Variants in CCDC138 observed in about 807,000 individuals in gnomAD.
CCDC138 encodes the protein coiled-coil domain containing 138.
A neutral mutation model predicts 82.3 loss-of-function variants in CCDC138; 66 were observed. The observed-to-expected ratio is 0.80, with a 90% confidence interval of 0.66 to 0.98. CCDC138 has a LOEUF of 0.98. Among genes scored for constraint, CCDC138 ranks in the 50% least tolerant of loss-of-function variants. The pLI, the probability that CCDC138 is intolerant of heterozygous loss-of-function variation, is 0.00. For missense variants in CCDC138, 816 were observed against 758.9 expected (o/e 1.08, Z -0.88); for synonymous variants, 297 against 265.4 (o/e 1.12, Z -1.16).
intron 13 of CCDC138, among the ~76,000 whole-genome samples, chr2:108,869,767 T>G (rs1353656175): frequency 6.6e-6 from 1 of 152,002 alleles, no homozygotes; most frequent in Admixed American, 6.6e-5. Flanking sequence ...TTAAGCACAC[T>G]CCCTACACCG....
At position 108,786,808 on chromosome 2, in the gene CCDC138, C is replaced by T. The variant is rs780012510; in HGVS notation, c.-15C>T. ...AACGCGGTTCCCGGGGAGACTGGTA[C>T]GGTTGCTGTGTGCTATGGAGCCGAG... is the stretch of plus-strand genomic sequence containing the variant. On this transcript the variant is annotated 5_prime_UTR_variant, in exon 1 of 15. It adds an upstream start codon to the 5' untranslated region. Transcript: ENST00000295124. The T allele has an allele frequency of 7.6e-6, 12 of 1,577,694 alleles. No homozygotes were observed. In the East Asian group the frequency reaches 1.4e-4, roughly 18 times the overall value.
At chr2:108,808,594 A>G (rs1229575802) in intron 7 of CCDC138, among the ~76,000 whole-genome samples, 1 of 152,210 alleles carries the variant, frequency 6.6e-6, no homozygotes, top group Non-Finnish European at 1.5e-5. Flanking sequence ...TTCGATTTGC[A>G]TTAACCTGAT....
downstream of CCDC138, among the ~76,000 whole-genome samples, chr2:108,877,816 T>C (rs533207740): frequency 2.0e-5 from 3 of 152,242 alleles, no homozygotes; most frequent in African/African-American, 7.2e-5. Flanking sequence ...GAGAAAAGGG[T>C]TCTATAATTA....
rs1689728761 is a variant in CCDC138, at chr2:108,842,770, T to C, written c.1323+3469T>C. Among the ~76,000 whole-genome samples, 7 of 152,344 alleles carry C rather than the reference T, an allele frequency of 4.6e-5. No homozygotes were observed. In the South Asian group the frequency reaches 1.2e-3, roughly 27 times the overall value. On this transcript the variant is annotated intron_variant, in intron 11 of 14. Transcript: ENST00000295124. ...AGTGTTAAAAGTGACTGATCCCTGC[T>C]TCTAGGGTGAAAAAGTCCAACTTAC...
intron 11 of CCDC138, among the ~76,000 whole-genome samples, chr2:108,846,225 T>C (rs1690448030): frequency 6.6e-6 from 1 of 152,192 alleles, no homozygotes; most frequent in Non-Finnish European, 1.5e-5. Flanking sequence ...GTCAGAAATA[T>C]AGCATGATCT....
At chr2:108,805,583 T>C (rs961176230) in intron 7 of CCDC138, among the ~76,000 whole-genome samples, 1 of 150,456 alleles carries the variant, frequency 6.6e-6, no homozygotes. Context: ...AAAAAATAGC[T>C]GGGCGTGATG....
At chr2:108,807,036 G>A (rs556329847) in intron 7 of CCDC138, among the ~76,000 whole-genome samples, 31 of 152,248 alleles carry the variant, frequency 2.0e-4, no homozygotes, top group African/African-American at 7.5e-4. Flanking sequence ...TTACTCCTCA[G>A]TTTAAATGCC....
chr2:108,824,416 T>TTA (rs2150110245), intron 10 of CCDC138, among the ~76,000 whole-genome samples: 1 of 152,328 alleles, frequency 6.6e-6, no homozygotes, highest in Non-Finnish European at 1.5e-5. Context: ...CAAACGCACA[T>TTA]GTTAGCTTAG....
rs551442063 is a variant in CCDC138 at position 108,811,779 on chromosome 2, T to C, written c.856-852T>C. Among the ~76,000 whole-genome samples, 7 of 152,252 alleles carry C rather than the reference T, an allele frequency of 4.6e-5. No homozygotes were observed. The South Asian group carries it at 1.5e-3, about 32-fold the overall frequency. On this transcript the variant is annotated intron_variant, in intron 7 of 14. Transcript: ENST00000295124. ...CCCTACCCCTCTCCCCTCTTCCCTT[T>C]TGTAGTCCCTAGTATCTGTTATTTC...
At position 108,839,295 on chromosome 2, in the gene CCDC138, A is replaced by G; in HGVS notation, c.1317A>G (p.Gly439=). The change falls in exon 11 of 15, where the codon GGA becomes GGG. Residue 439 remains glycine, a synonymous_variant. Coordinates refer to ENST00000295124, the MANE Select transcript of CCDC138 (RefSeq NM_144978.3). ...IYWSLRQLDA[G]AQHSTMTSTL... ...GGTCCCTAAGGCAGCTAGATGCTGG[A>G]GCACAGGTAATTGGTTAATAGGAAT... 6.2e-7 allele frequency: 1 copy of G among 1,609,986 alleles called. No homozygotes were observed. Among genetic ancestry groups the G allele is most frequent in the Non-Finnish European group, 8.5e-7 (1 of 1,178,336 alleles).
At chr2:108,804,747 A>G in intron 6 of CCDC138, 142 bp from the exon 7 acceptor site, 1 of 594,006 alleles carries the variant, frequency 1.7e-6, no homozygotes, top group Non-Finnish European at 2.6e-6. Flanking sequence ...TACTTGCCAC[A>G]CTAGTCACTT....
intron 1 of CCDC138, among the ~76,000 whole-genome samples, chr2:108,787,225 C>CT (rs1442324506): frequency 6.6e-6 from 1 of 152,176 alleles, no homozygotes; most frequent in Non-Finnish European, 1.5e-5. Context: ...AATTGAATTG[C>CT]TTTTTAAAAG....
chr2:108,788,780 C>T, intron 2 of CCDC138, 72 bp from the exon 3 acceptor site: 1 of 1,588,978 alleles, frequency 6.3e-7, no homozygotes, highest in African/African-American at 1.4e-5. Context: ...ATTATTTAGA[C>T]TTATGGCCAG....
In CCDC138 at chr2:108,794,704, A is replaced by T. The variant is rs1680561649; in HGVS notation, c.559A>T (p.Ile187Leu). 1.9e-6 allele frequency: 3 copies of T among 1,612,390 alleles called. No homozygotes were observed. The highest frequency in any genetic ancestry group is 2.5e-6 in the Non-Finnish European group (3 of 1,178,990). ...ISQIYDELFQ[I>L]HLKLQCETAA... ...TCAGATATATGACGAATTATTTCAGATACATCTGAAATTGCAGGTAAGAAC... is the reference window on the plus strand; with the variant it reads ...TCAGATATATGACGAATTATTTCAGTTACATCTGAAATTGCAGGTAAGAAC... The change falls in exon 5 of 15, where the codon ATA (isoleucine) becomes TTA (leucine). Residue 187 changes from isoleucine (I) to leucine (L), a missense_variant. Physicochemically the swap from Ile to Leu is conservative, Grantham distance 5 (BLOSUM62 2). Coordinates refer to ENST00000295124, the MANE Select transcript of CCDC138 (RefSeq NM_144978.3).
At chr2:108,852,443 A>G (rs913404456) in intron 12 of CCDC138, among the ~76,000 whole-genome samples, 6 of 152,228 alleles carry the variant, frequency 3.9e-5, no homozygotes, top group African/African-American at 9.7e-5. Context: ...ATAAGGACAC[A>G]TGCATGTGTT....
intron 10 of CCDC138, among the ~76,000 whole-genome samples, chr2:108,820,843 G>T (rs1169664851): frequency 6.6e-6 from 1 of 152,104 alleles, no homozygotes; most frequent in Admixed American, 6.5e-5. Flanking sequence ...ACTAAAGAGA[G>T]TCCTTCAGGT....
At chr2:108,807,245 A>G (rs1250822240) in intron 7 of CCDC138, among the ~76,000 whole-genome samples, 13 of 152,238 alleles carry the variant, frequency 8.5e-5, no homozygotes, top group Admixed American at 6.5e-4. Context: ...TAGATTGACA[A>G]CTTCATTAGA....
intron 13 of CCDC138, among the ~76,000 whole-genome samples, chr2:108,872,576 A>G (rs891306001): frequency 1.3e-5 from 2 of 152,164 alleles, no homozygotes; most frequent in South Asian, 2.1e-4. Context: ...AATGGCGTAT[A>G]TTCTAGAGGC....
chr2:108,823,057 A>G (rs756244901), intron 10 of CCDC138, among the ~76,000 whole-genome samples: 2 of 152,226 alleles, frequency 1.3e-5, no homozygotes, highest in South Asian at 2.1e-4. Context: ...GAAGAAATGA[A>G]TAAGTTCCTA....
Sources: gnomAD v4.1 joint callset for allele counts (sites outside exome capture counted in the v4.1 genomes callset) on GRCh38, gnomAD v4.1.1 for gene constraint, MANE v1.5 for transcripts, NCBI Gene and HGNC (gene_info 2026-07-23, HGNC 2026-07-21) for gene names.